Variants in BOK observed in about 807,000 individuals in gnomAD.
The protein encoded by BOK is bcl-2-related ovarian killer protein.
BOK carries 20 observed loss-of-function variants against 18.3 expected under a neutral mutation model. That is an observed-to-expected ratio of 1.09 (90% CI 0.77 to 1.59). BOK has a LOEUF of 1.59. Ranked by LOEUF, BOK falls within the 40% of genes most tolerant of loss-of-function variation. The pLI, the probability that BOK is intolerant of heterozygous loss-of-function variation, is 0.00. For synonymous variants in BOK, 173 were observed against 142.4 expected, an observed-to-expected ratio of 1.21 and a Z score of -1.53; for missense variants, 348 against 307.9, an observed-to-expected ratio of 1.13 and a Z score of -0.97.
At chr2:241,569,357 TC>T (rs1480325549) in intron 3 of BOK, among the ~76,000 whole-genome samples, 1 of 152,110 alleles carries the variant, frequency 6.6e-6, no homozygotes, top group Admixed American at 6.5e-5. Flanking sequence ...GCTCTTGAAC[TC>T]CCAACCTTGT....
intron 3 of BOK, among the ~76,000 whole-genome samples, chr2:241,566,241 G>A (rs1046784196): frequency 3.9e-5 from 6 of 151,944 alleles, no homozygotes; most frequent in Admixed American, 3.3e-4. Flanking sequence ...CCGAGATTGT[G>A]CCACTGCTCT....
At chr2:241,563,254 G>A (rs2066559449) in intron 3 of BOK, among the ~76,000 whole-genome samples, 1 of 152,196 alleles carries the variant, frequency 6.6e-6, no homozygotes, top group South Asian at 2.1e-4. Context: ...TTGTCCAGCT[G>A]CCTTGGCCTG....
rs77499010 is a variant in BOK, at chr2:241,569,995, C to T, written c.350-130C>T. 0.014 allele frequency: 17,073 copies of T among 1,208,712 alleles called. 928 individuals are homozygous for T. The East Asian group carries it at 0.15, about 11-fold the overall frequency. 74.9% of individuals were successfully genotyped at this position (1,208,712 alleles called of 1,614,324 possible). A position where few individuals can be genotyped will look rare whatever the true frequency, so the allele number is the denominator to read the frequency against. ...AGGCATCCTGTCAGGGAGCGGTCCC[C>T]CCTTGGGACGGTCCCTGGTCATTAG... On this transcript the variant is annotated intron_variant, in intron 3 of 4. Coordinates refer to ENST00000318407, the MANE Select transcript of BOK (RefSeq NM_032515.5).
chr2:241,560,541 C>T (rs757515502), intron 2 of BOK, among the ~76,000 whole-genome samples: 6 of 152,224 alleles, frequency 3.9e-5, no homozygotes, highest in Non-Finnish European at 8.8e-5. Flanking sequence ...GGCCCCTGCC[C>T]TTACGTGGTG....
intron 3 of BOK, among the ~76,000 whole-genome samples, chr2:241,563,289 C>T (rs368923192): frequency 1.3e-4 from 20 of 152,270 alleles, no homozygotes; most frequent in African/African-American, 4.3e-4. Flanking sequence ...GGCTTCTGTC[C>T]GCTTGCCCCA....
intron 1 of BOK, among the ~76,000 whole-genome samples, chr2:241,552,189 C>T (rs1047349758): frequency 1.3e-5 from 2 of 152,130 alleles, no homozygotes; most frequent in Admixed American, 6.5e-5. Context: ...CACCCACAAG[C>T]GGCTCCCTCC....
chr2:241,564,312 G>A (rs750816055), intron 3 of BOK, among the ~76,000 whole-genome samples: 53 of 152,220 alleles, frequency 3.5e-4, no homozygotes, highest in Non-Finnish European at 6.8e-4. Flanking sequence ...GCGGAACCAA[G>A]CTGGGTGCGG....
intron 1 of BOK, among the ~76,000 whole-genome samples, chr2:241,551,649 A>G (rs2066414957): frequency 6.6e-6 from 1 of 151,674 alleles, no homozygotes; most frequent in Admixed American, 6.6e-5. Flanking sequence ...CTGTTGGCTG[A>G]GTCCACTCAG....
chr2:241,563,901 C>T (rs1233138364), intron 3 of BOK, among the ~76,000 whole-genome samples: 2 of 152,058 alleles, frequency 1.3e-5, no homozygotes, highest in Admixed American at 1.3e-4. Context: ...GGACCACTGC[C>T]TCTCGCTCAG....
intron 1 of BOK, among the ~76,000 whole-genome samples, chr2:241,552,453 CCACGCCCCTGCACATA>C (rs1393292743): frequency 6.6e-6 from 1 of 152,154 alleles, no homozygotes; most frequent in Non-Finnish European, 1.5e-5. Flanking sequence ...CTCATACCAT[CCACGCCCCTGCACATA>C]CTGACAGCTC....
chr2:241,572,364 T>C lies in BOK; in HGVS notation c.581T>C (p.Leu194Pro), dbSNP rs751876251. 1 of 1,607,834 alleles carries C rather than the reference T, an allele frequency of 6.2e-7. No individual in the cohort carries two copies. The highest frequency in any genetic ancestry group is 1.1e-5 in the South Asian group (1 of 90,696). ...GLRSHWLVAA[L>P]CSFGRFLKAA... ...CGCTCCCACTGGCTGGTGGCTGCAC[T>C]CTGCAGCTTCGGCCGCTTCCTGAAG... Residue 194 changes from leucine to proline, a missense_variant, in exon 5 of 5, where the codon CTC becomes CCC. Leu to Pro is a moderately conservative substitution (Grantham distance 98). Transcript: ENST00000318407.
rs911108077 is a variant in BOK, at chr2:241,559,503, C to T, written c.20C>T (p.Ser7Phe). The part of the protein sequence containing the change: MEVLRR[S>F]SVFAAEIMDA... ...GCCGCCATGGAGGTGCTGCGGCGCT[C>T]CTCGGTCTTCGCCGCCGAGATCATG... The change falls in exon 2 of 5, where the codon TCC becomes TTC. Residue 7 changes from serine (S) to phenylalanine (F), a missense_variant. Ser to Phe is a radical substitution (Grantham distance 155). Coordinates refer to ENST00000318407, the MANE Select transcript of BOK (RefSeq NM_032515.5). The T allele has an allele frequency of 4.7e-6, 7 of 1,487,224 alleles. No individual in the cohort carries two copies. Among genetic ancestry groups the T allele is most frequent in the African/African-American group, 1.5e-5 (1 of 68,940 alleles). 92.1% of individuals were successfully genotyped at this position (1,487,224 alleles called of 1,614,324 possible). A position where few individuals can be genotyped will look rare whatever the true frequency, so the allele number is the denominator to read the frequency against.
chr2:241,569,994 C>T (rs2066681870), intron 3 of BOK, 131 bp from the exon 4 acceptor site: 1 of 1,187,814 alleles, frequency 8.4e-7, no homozygotes, highest in Admixed American at 3.1e-5. Flanking sequence ...GGAGCGGTCC[C>T]CCCTTGGGAC....
At chr2:241,572,185 C>T (rs1223382720) in intron 4 of BOK, 112 bp from the exon 5 acceptor site, 6 of 1,477,166 alleles carry the variant, frequency 4.1e-6, no homozygotes, top group Non-Finnish European at 5.5e-6. Flanking sequence ...CTCCTGCATT[C>T]CCTTCATGCA....
chr2:241,557,897 G>A (rs2066465909), upstream of BOK, among the ~76,000 whole-genome samples: 1 of 152,042 alleles, frequency 6.6e-6, no homozygotes, highest in Admixed American at 6.6e-5. Flanking sequence ...TCCATGATAT[G>A]GTCTATTTCG....
intron 3 of BOK, among the ~76,000 whole-genome samples, chr2:241,566,362 G>A (rs1410637569): frequency 1.3e-5 from 2 of 149,060 alleles, no homozygotes; most frequent in Non-Finnish European, 1.5e-5. Flanking sequence ...GCAATGGTGC[G>A]ATCTCGGCTC....
At chr2:241,570,327 G>T in intron 4 of BOK, 39 bp downstream of exon 4, 1 of 1,533,144 alleles carries the variant, frequency 6.5e-7, no homozygotes, top group Non-Finnish European at 8.8e-7. Flanking sequence ...GAGAGCTGGG[G>T]TGCGAGGGTG....
At chr2:241,553,846 C>T (rs947470060), upstream of BOK, among the ~76,000 whole-genome samples, 1 of 152,186 alleles carries the variant, frequency 6.6e-6, no homozygotes, top group South Asian at 2.1e-4. Flanking sequence ...GTGGCCTCTA[C>T]CCCAAGGGGT....
chr2:241,551,492 G>A (rs936500465), intron 1 of BOK: 11 of 152,224 alleles, frequency 7.2e-5, no homozygotes, highest in East Asian at 1.9e-4. Context: ...GAAGCATTTC[G>A]TTGCTTCATG....
Sources: gnomAD v4.1 joint callset for allele counts (sites outside exome capture counted in the v4.1 genomes callset) on GRCh38, gnomAD v4.1.1 for gene constraint, MANE v1.5 for transcripts, NCBI Gene and HGNC (gene_info 2026-07-23, HGNC 2026-07-21) for gene names.